KIAA1958: variants seen among roughly 807,000 people sequenced by gnomAD.
The protein encoded by KIAA1958 is KIAA1958.
Under a neutral mutation model 47.2 loss-of-function variants are expected in KIAA1958, and 14 were observed. The ratio of observed to expected loss-of-function variants is 0.30; its 90% CI spans 0.20 to 0.46. The LOEUF (loss-of-function observed/expected upper bound fraction) is 0.46, where lower values mean the gene tolerates loss of function less well. Among genes scored for constraint, KIAA1958 ranks in the 20% least tolerant of loss-of-function variants. KIAA1958 has a pLI of 1.00. For missense variants in KIAA1958, 803 were observed against 909.2 expected, an observed-to-expected ratio of 0.88 and a Z score of 1.50; for synonymous variants, 354 against 353.3, an observed-to-expected ratio of 1.00 and a Z score of -0.02.
At chr9:112,530,511 G>C (rs1834734862) in intron 1 of KIAA1958, among the ~76,000 whole-genome samples, 1 of 152,150 alleles carries the variant, frequency 6.6e-6, no homozygotes, top group African/African-American at 2.4e-5. Context: ...CTGTTGAACA[G>C]ATTACATTTT....
chr9:112,637,625 C>T (rs891740703), intron 2 of KIAA1958, among the ~76,000 whole-genome samples: 2 of 152,074 alleles, frequency 1.3e-5, no homozygotes, highest in African/African-American at 4.8e-5. Context: ...ATCTGCCCAC[C>T]TCGGCCTCCC....
At chr9:112,532,454 C>T (rs1269104138) in intron 1 of KIAA1958, among the ~76,000 whole-genome samples, 1 of 152,160 alleles carries the variant, frequency 6.6e-6, no homozygotes, top group Non-Finnish European at 1.5e-5. Context: ...AGGGTAGTGG[C>T]CAGTGCCCTG....
At chr9:112,599,516 C>G (rs1836092193) in intron 2 of KIAA1958, among the ~76,000 whole-genome samples, 1 of 151,956 alleles carries the variant, frequency 6.6e-6, no homozygotes, top group African/African-American at 2.4e-5. Context: ...ATATTGAAAA[C>G]AATGGAACAA....
chr9:112,588,847 T>G (rs1428660830), intron 2 of KIAA1958, among the ~76,000 whole-genome samples: 1 of 152,088 alleles, frequency 6.6e-6, no homozygotes, highest in Non-Finnish European at 1.5e-5. Context: ...TTTTTCCCCC[T>G]TGTTTTGGTG....
intron 1 of KIAA1958, among the ~76,000 whole-genome samples, chr9:112,570,569 A>G (rs1835514760): frequency 6.6e-6 from 1 of 152,216 alleles, no homozygotes; most frequent in Non-Finnish European, 1.5e-5. Flanking sequence ...ACCATTTAGT[A>G]ACCTTGTATA....
Position 112,574,387 on chromosome 9 carries a change from C to A in KIAA1958, c.307C>A (p.Pro103Thr). The change falls in exon 2 of 4, where the codon CCT becomes ACT. Residue 103 changes from proline to threonine, a missense_variant. Coordinates refer to ENST00000337530, the MANE Select transcript of KIAA1958 (RefSeq NM_133465.4). ...ACAGACTAGCCCTGTTGAAAGGTAC[C>A]CTGGGAGACCAGTGAAAGCAAAGCT... ...ETQTSPVERY[P>T]GRPVKAKLDC... 1 of 1,614,072 alleles carries A rather than the reference C, an allele frequency of 6.2e-7. No individual in the cohort carries two copies. Among genetic ancestry groups the A allele is most frequent in the Admixed American group, 1.7e-5 (1 of 60,014 alleles).
chr9:112,530,264 T>A (rs949659316), intron 1 of KIAA1958, among the ~76,000 whole-genome samples: 1 of 152,208 alleles, frequency 6.6e-6, no homozygotes, highest in African/African-American at 2.4e-5. Context: ...ATTTTATACT[T>A]TGGATTAGAA....
At chr9:112,580,786 C>CAA (rs11290337) in intron 2 of KIAA1958, among the ~76,000 whole-genome samples, 1 of 146,722 alleles carries the variant, frequency 6.8e-6, no homozygotes, top group African/African-American at 2.5e-5. Flanking sequence ...GACTCCATCT[C>CAA]AAAAAAAAAA....
Position 112,668,715 on chromosome 9 carries a change from T to C in KIAA1958, c.*8646T>C, listed in dbSNP as rs1588060818. 6.6e-6 allele frequency: 1 copy of C among 152,202 alleles called. No homozygotes were observed. Among genetic ancestry groups the C allele is most frequent in the East Asian group, 1.9e-4 (1 of 5,200 alleles). The allele number at this position is 152,202 out of a possible 1,614,324, so 9.4% of individuals were successfully genotyped here. ...GTTTGCTTTAAATTTAGCAATAGAATAGGCAATGGACTGCTTTGCATTTCC... is the reference window on the plus strand; with the variant it reads ...GTTTGCTTTAAATTTAGCAATAGAACAGGCAATGGACTGCTTTGCATTTCC... On this transcript the variant is annotated 3_prime_UTR_variant, in exon 4 of 4. Transcript: ENST00000337530.
chr9:112,533,580 C>CCCAA (rs772942152), intron 1 of KIAA1958, among the ~76,000 whole-genome samples: 1 of 125,420 alleles, frequency 8.0e-6, no homozygotes, highest in Non-Finnish European at 1.6e-5. Context: ...GACTCCATCC[C>CCCAA]AAAAAAAAAA....
chr9:112,582,184 G>T (rs1835747468), intron 2 of KIAA1958, among the ~76,000 whole-genome samples: 1 of 152,132 alleles, frequency 6.6e-6, no homozygotes, highest in Non-Finnish European at 1.5e-5. Context: ...TAGCACAACG[G>T]GTGACTGTAG....
At chr9:112,566,322 T>C (rs952491487) in intron 1 of KIAA1958, among the ~76,000 whole-genome samples, 1 of 152,206 alleles carries the variant, frequency 6.6e-6, no homozygotes, top group African/African-American at 2.4e-5. Context: ...TTATTATAGC[T>C]ATGAGGGCCT....
At chr9:112,512,637 A>G (rs1209299209) in intron 1 of KIAA1958, among the ~76,000 whole-genome samples, 1 of 151,862 alleles carries the variant, frequency 6.6e-6, no homozygotes, top group African/African-American at 2.4e-5. Context: ...GTAGCATGTA[A>G]GTCAGGCAAT....
intron 1 of KIAA1958, among the ~76,000 whole-genome samples, chr9:112,567,959 C>CAAAAAAAAAA (rs35931681): frequency 1.5e-5 from 1 of 66,180 alleles, no homozygotes; most frequent in African/African-American, 6.4e-5. Flanking sequence ...GAATCCATCT[C>CAAAAAAAAAA]AAAAAAAAAA....
At chr9:112,628,803 TAG>T (rs1469722843) in intron 2 of KIAA1958, among the ~76,000 whole-genome samples, 4 of 152,166 alleles carry the variant, frequency 2.6e-5, no homozygotes, top group Admixed American at 1.3e-4. Flanking sequence ...TTCTAATTTA[TAG>T]AGTTTCCAAT....
intron 1 of KIAA1958, among the ~76,000 whole-genome samples, chr9:112,535,651 C>T (rs375186506): frequency 5.3e-5 from 8 of 152,190 alleles, no homozygotes; most frequent in African/African-American, 9.6e-5. Context: ...TTTTTTCATA[C>T]TCTTTTCCAT....
Position 112,589,279 on chromosome 9 carries a change from G to A in KIAA1958, c.1171+14028G>A, listed in dbSNP as rs1341792223. Among the ~76,000 whole-genome samples the A allele has an allele frequency of 3.9e-5, 6 of 152,106 alleles. No homozygotes were observed. The South Asian group carries it at 1.2e-3, about 32-fold the overall frequency. On this transcript the variant is annotated intron_variant, in intron 2 of 3. Transcript: ENST00000337530. The stretch of plus-strand genomic sequence containing the variant: ...TCTCCCAGTTTTCTTCTGATGCCTT[G>A]TCTACTTGTTTGTTCATATTTAAGA...
At chr9:112,572,889 G>C (rs753869124) in intron 1 of KIAA1958, among the ~76,000 whole-genome samples, 21 of 152,294 alleles carry the variant, frequency 1.4e-4, no homozygotes, top group South Asian at 4.1e-4. Flanking sequence ...GAATGGCTCA[G>C]GTGTCTGTCC....
In KIAA1958 at chr9:112,668,838, C is replaced by G. The variant is rs1837384313; in HGVS notation, c.*8769C>G. The G allele has an allele frequency of 6.6e-6, 1 of 152,208 alleles. No individual in the cohort carries two copies. Among genetic ancestry groups the G allele is most frequent in the Non-Finnish European group, 1.5e-5 (1 of 68,038 alleles). 9.4% of individuals were successfully genotyped at this position (152,208 alleles called of 1,614,324 possible). On this transcript the variant is annotated 3_prime_UTR_variant, in exon 4 of 4. Transcript: ENST00000337530. The stretch of plus-strand genomic sequence containing the variant: ...CAAGTATAACCTGTCCCAGGGTCCT[C>G]TTGCTCAGCTGTGACTAACAAAAGT...
Sources: allele counts gnomAD v4.1 joint callset (sites outside exome capture counted in the v4.1 genomes callset), GRCh38; gene constraint gnomAD v4.1.1; transcripts MANE v1.5; gene names NCBI Gene and HGNC (gene_info 2026-07-23, HGNC 2026-07-21).